Variants in DHX33 observed in about 807,000 individuals in gnomAD.
DHX33 encodes ATP-dependent RNA helicase DHX33.
A neutral mutation model predicts 72.5 loss-of-function variants in DHX33; 42 were observed. That is an observed-to-expected ratio of 0.58 (90% CI 0.45 to 0.75). DHX33 has a LOEUF of 0.75. Ranked by LOEUF, DHX33 falls within the 30% of genes least tolerant of loss-of-function variation. DHX33 has a pLI of 0.00. For missense variants in DHX33, 842 were observed against 917.5 expected (o/e 0.92, Z 1.06); for synonymous variants, 358 against 366.1 (o/e 0.98, Z 0.25).
chr17:5,457,431 T>C (rs895388398), intron 4 of DHX33, among the ~76,000 whole-genome samples: 1 of 152,068 alleles, frequency 6.6e-6, no homozygotes, highest in Non-Finnish European at 1.5e-5. Context: ...GAGACCAGCC[T>C]GTCCAACACA....
intron 1 of DHX33, among the ~76,000 whole-genome samples, chr17:5,465,712 G>A (rs752055278): frequency 1.1e-4 from 16 of 152,156 alleles, no homozygotes; most frequent in South Asian, 2.1e-4. Flanking sequence ...TAGTGTAGCC[G>A]AAATGCACCT....
In DHX33 at chr17:5,453,990, G is replaced by C. The variant is rs773038777; in HGVS notation, c.1148-10C>G. The C allele has an allele frequency of 6.2e-7, 1 of 1,612,578 alleles. No individual in the cohort carries two copies. The highest frequency in any genetic ancestry group is 8.5e-7 in the Non-Finnish European group (1 of 1,179,638). ...ACCTCAAGACCACTGTCTGGATGGA[G>C]AGTGAGCCCCATTAGTGCTTCATCA... On this transcript the variant is annotated splice_polypyrimidine_tract_variant and intron_variant, in intron 6 of 11. Coordinates refer to ENST00000225296, the MANE Select transcript of DHX33 (RefSeq NM_020162.4).
chr17:5,466,857 A>G (rs1904892581), intron 1 of DHX33, among the ~76,000 whole-genome samples: 1 of 152,238 alleles, frequency 6.6e-6, no homozygotes, highest in South Asian at 2.1e-4. Flanking sequence ...AGGTTGCTAA[A>G]AGTTAACAGT....
Position 5,467,770 on chromosome 17 carries a change from C to T in DHX33, c.289+801G>A, listed in dbSNP as rs142995064. Among the ~76,000 whole-genome samples, 1,159 of 152,292 alleles carry T rather than the reference C, an allele frequency of 7.6e-3. 9 individuals are homozygous for T. Among genetic ancestry groups the T allele is most frequent in the Non-Finnish European group, 0.011 (746 of 68,014 alleles). ...ATAAACATTCCAAGCTTGTGATAAG[C>T]CCCCTCACCCTAACACCAATATATA... is the stretch of plus-strand genomic sequence containing the variant. On this transcript the variant is annotated intron_variant, in intron 1 of 11. Coordinates refer to ENST00000225296, the MANE Select transcript of DHX33 (RefSeq NM_020162.4).
intron 1 of DHX33, 57 bp downstream of exon 1, chr17:5,468,514 G>C (rs1904979326): frequency 4.5e-6 from 7 of 1,559,124 alleles, no homozygotes; most frequent in Non-Finnish European, 6.1e-6. Context: ...AAGAAAAACT[G>C]CTCTAGCTAA....
Position 5,441,855 on chromosome 17 carries a change from A to C in DHX33, c.*2350T>G, listed in dbSNP as rs1916447353. ...ATTTCCGGAAACTGTTCAGGTACTTAAGCTGGACATAAATTACCCCAAGTT... is the reference window on the plus strand; with the variant it reads ...ATTTCCGGAAACTGTTCAGGTACTTCAGCTGGACATAAATTACCCCAAGTT... On this transcript the variant is annotated 3_prime_UTR_variant, in exon 12 of 12. Coordinates refer to ENST00000225296, the MANE Select transcript of DHX33 (RefSeq NM_020162.4). The C allele has an allele frequency of 6.6e-6, 1 of 152,176 alleles. No homozygotes were observed. 9.4% of individuals were successfully genotyped at this position (152,176 alleles called of 1,614,324 possible).
rs143951851 is a variant in DHX33 at position 5,460,077 on chromosome 17, C to T, written c.849+862G>A. ...TCACCCAGGCTGGAGTGCAGTGGCGCGATCTCGGCTCACTGCAAGCTCTGC... is the reference window on the plus strand; with the variant it reads ...TCACCCAGGCTGGAGTGCAGTGGCGTGATCTCGGCTCACTGCAAGCTCTGC... On this transcript the variant is annotated intron_variant, in intron 4 of 11. Transcript: ENST00000225296. Among the ~76,000 whole-genome samples the T allele has an allele frequency of 3.1e-4, 47 of 150,764 alleles. 1 individual carries two copies. The highest frequency in any genetic ancestry group is 1.1e-3 in the African/African-American group (43 of 40,916).
At chr17:5,450,157 G>C in intron 10 of DHX33, 46 bp downstream of exon 10, 1 of 1,608,058 alleles carries the variant, frequency 6.2e-7, no homozygotes. Flanking sequence ...GCACATAGCA[G>C]AGACAAGCAG....
intron 2 of DHX33, among the ~76,000 whole-genome samples, chr17:5,463,237 A>G (rs912553004): frequency 2.0e-5 from 3 of 152,218 alleles, no homozygotes; most frequent in Non-Finnish European, 4.4e-5. Context: ...TAATGCTTAC[A>G]ATTTTTCTAG....
intron 3 of DHX33, among the ~76,000 whole-genome samples, chr17:5,461,936 C>CTTTTTT (rs35332211): frequency 4.4e-5 from 5 of 113,680 alleles, no homozygotes; most frequent in African/African-American, 7.3e-5. Context: ...TGAACTTTCA[C>CTTTTTT]TTTTTTTTTT....
intron 1 of DHX33, among the ~76,000 whole-genome samples, chr17:5,465,961 T>A (rs1157410097): frequency 6.6e-6 from 1 of 152,086 alleles, no homozygotes; most frequent in African/African-American, 2.4e-5. Context: ...TTCCTCCTCT[T>A]CCAGACCAGC....
chr17:5,450,064 T>TGG, intron 10 of DHX33, 139 bp downstream of exon 10: 4 of 1,015,022 alleles, frequency 3.9e-6, no homozygotes, highest in Non-Finnish European at 2.9e-6. Context: ...AAATGCTGTC[T>TGG]GGCTTTCTTT....
chr17:5,458,129 C>A (rs2151689069), intron 4 of DHX33, among the ~76,000 whole-genome samples: 1 of 152,160 alleles, frequency 6.6e-6, no homozygotes, highest in South Asian at 2.1e-4. Flanking sequence ...CCCAGGACGG[C>A]CAGGAGACTG....
At position 5,456,030 on chromosome 17, in the gene DHX33, T is replaced by C. The variant is rs1230067156; in HGVS notation, c.1002A>G (p.Ala334=). Reference sequence around the variant, plus strand: ...CCCCTTGGAAGACTCGGAGCTGCTGTGCATAGGGCAGGGAGGCGTACAGAG... The same window carrying C: ...CCCCTTGGAAGACTCGGAGCTGCTGCGCATAGGGCAGGGAGGCGTACAGAG... The part of the protein sequence containing the change: ...VLPLYASLPY[A]QQLRVFQGAP... Residue 334 remains alanine, a synonymous_variant, in exon 5 of 12, where the codon GCA becomes GCG. Transcript: ENST00000225296. 1 of 1,612,818 alleles carries C rather than the reference T, an allele frequency of 6.2e-7. No homozygotes were observed. Among genetic ancestry groups the C allele is most frequent in the Non-Finnish European group, 8.5e-7 (1 of 1,179,958 alleles).
rs1160385753 is a variant in DHX33 at position 5,443,351 on chromosome 17, A to G, written c.*854T>C. ...TTAGAGAGAAAAATGGCAACTGTGT[A>G]TGTGGGAGTCACCTACACACACAAA... On this transcript the variant is annotated 3_prime_UTR_variant, in exon 12 of 12. Coordinates refer to ENST00000225296, the MANE Select transcript of DHX33 (RefSeq NM_020162.4). 2.6e-5 allele frequency: 4 copies of G among 152,126 alleles called. No individual in the cohort carries two copies. In the East Asian group the frequency reaches 7.8e-4, roughly 29 times the overall value. The allele number at this position is 152,126 out of a possible 1,614,324, so 9.4% of individuals were successfully genotyped here.
At chr17:5,450,715 A>T in intron 9 of DHX33, 92 bp downstream of exon 9, 1 of 1,536,502 alleles carries the variant, frequency 6.5e-7, no homozygotes, top group Non-Finnish European at 8.8e-7. Flanking sequence ...AGAAAAAGTG[A>T]GATTAATCTA....
At chr17:5,450,984 T>TTG in intron 8 of DHX33, 50 bp from the exon 9 acceptor site, 1 of 1,598,236 alleles carries the variant, frequency 6.3e-7, no homozygotes, top group Non-Finnish European at 8.5e-7. Context: ...AAAAATGAAG[T>TTG]TGCAGCTAGT....
intron 2 of DHX33, 81 bp from the exon 3 acceptor site, chr17:5,462,627 C>T: frequency 1.0e-6 from 1 of 985,230 alleles, no homozygotes; most frequent in East Asian, 2.4e-5. Context: ...GGCACTTGCA[C>T]TACCACAGTG....
At chr17:5,452,183 G>A (rs970524247) in intron 8 of DHX33, among the ~76,000 whole-genome samples, 5 of 152,060 alleles carry the variant, frequency 3.3e-5, no homozygotes, top group African/African-American at 1.2e-4. Flanking sequence ...TAAGAATTTA[G>A]CAATGAAAGA....
Sources: gnomAD v4.1 joint callset for allele counts (sites outside exome capture counted in the v4.1 genomes callset) on GRCh38, gnomAD v4.1.1 for gene constraint, MANE v1.5 for transcripts, NCBI Gene and HGNC (gene_info 2026-07-23, HGNC 2026-07-21) for gene names.